LNX2: variants seen among roughly 807,000 people sequenced by gnomAD.
LNX2 encodes the protein ligand of numb-protein X 2.
LNX2 carries 35 observed loss-of-function variants against 66.2 expected under a neutral mutation model. The observed-to-expected ratio is 0.53, with a 90% CI of 0.40 to 0.70. LNX2 has a LOEUF of 0.70. Among genes scored for constraint, LNX2 ranks in the 30% least tolerant of loss-of-function variants. The pLI is 0.00. For synonymous variants in LNX2, 337 were observed against 315.6 expected, an observed-to-expected ratio of 1.07 and a Z score of -0.72; for missense variants, 791 against 850.8, an observed-to-expected ratio of 0.93 and a Z score of 0.87.
chr13:27,595,923 T>C (rs1955591874), intron 1 of LNX2, among the ~76,000 whole-genome samples: 2 of 152,158 alleles, frequency 1.3e-5, no homozygotes, highest in African/African-American at 2.4e-5. Context: ...GGCTGAGTAT[T>C]CAGATACTCA....
At position 27,548,146 on chromosome 13, in the gene LNX2, A is replaced by G; in HGVS notation, c.*189T>C. The G allele has an allele frequency of 1.8e-6, 1 of 558,606 alleles. No individual in the cohort carries two copies. The highest frequency in any genetic ancestry group is 3.1e-6 in the Non-Finnish European group (1 of 317,878). The allele number at this position is 558,606 out of a possible 1,614,324, so 34.6% of individuals were successfully genotyped here. A position where few individuals can be genotyped will look rare whatever the true frequency, so the allele number is the denominator to read the frequency against. The stretch of plus-strand genomic sequence containing the variant: ...AAAGGTTAGTGGAAGACTGTTTCCA[A>G]GCTAAAAGAAATGTAACTAACTTAG... On this transcript the variant is annotated 3_prime_UTR_variant, in exon 10 of 10. Coordinates refer to ENST00000316334, the MANE Select transcript of LNX2 (RefSeq NM_153371.4).
At chr13:27,571,192 G>A (rs1255082515) in intron 2 of LNX2, among the ~76,000 whole-genome samples, 1 of 152,148 alleles carries the variant, frequency 6.6e-6, no homozygotes, top group Admixed American at 6.6e-5. Flanking sequence ...TGAACAACTA[G>A]ACAGAAGGAG....
At chr13:27,593,224 T>C (rs185828052) in intron 1 of LNX2, among the ~76,000 whole-genome samples, 3 of 152,290 alleles carry the variant, frequency 2.0e-5, no homozygotes, top group Admixed American at 2.0e-4. Context: ...TTGGAAGCCT[T>C]TGTCATTTAT....
intron 1 of LNX2, among the ~76,000 whole-genome samples, chr13:27,620,075 G>A (rs538216544): frequency 2.0e-5 from 3 of 152,278 alleles, no homozygotes; most frequent in African/African-American, 7.2e-5. Flanking sequence ...CACGGTGGCC[G>A]GAACCAGCAA....
rs1254198656 is a variant in LNX2 at position 27,583,243 on chromosome 13, T to TGCGCGC, written c.-100-1441_-100-1440insGCGCGC. ...GTGTGTGTGTGTGTGTGTGTGTGTG[T>TGCGCGC]GTGTGTGTGTGTGCGCGCGTCCTCT... On this transcript the variant is annotated intron_variant, in intron 1 of 9. Coordinates refer to ENST00000316334, the MANE Select transcript of LNX2 (RefSeq NM_153371.4). Among the ~76,000 whole-genome samples, 7 of 21,678 alleles carry TGCGCGC rather than the reference T, an allele frequency of 3.2e-4. 2 individuals carry two copies. The highest frequency in any genetic ancestry group is 4.3e-4 in the Non-Finnish European group (5 of 11,512). The allele number at this position is 21,678 out of a possible 152,430, so 14.2% of individuals were successfully genotyped here. A position where few individuals can be genotyped will look rare whatever the true frequency, so the allele number is the denominator to read the frequency against.
At chr13:27,596,601 T>G (rs994220717) in intron 1 of LNX2, among the ~76,000 whole-genome samples, 3 of 152,210 alleles carry the variant, frequency 2.0e-5, no homozygotes, top group African/African-American at 7.2e-5. Flanking sequence ...TTTTTCTTCA[T>G]TCTTCCCTTC....
chr13:27,590,297 C>T (rs1455749354), intron 1 of LNX2, among the ~76,000 whole-genome samples: 1 of 151,910 alleles, frequency 6.6e-6, no homozygotes, highest in Non-Finnish European at 1.5e-5. Context: ...TGCAGTGGTG[C>T]AATCTCGGCT....
intron 7 of LNX2, among the ~76,000 whole-genome samples, chr13:27,553,863 C>T (rs1955031220): frequency 6.6e-6 from 1 of 152,180 alleles, no homozygotes; most frequent in African/African-American, 2.4e-5. Context: ...TATATTTACA[C>T]AGTTCTATAC....
intron 7 of LNX2, among the ~76,000 whole-genome samples, chr13:27,555,739 T>C (rs1020056387): frequency 2.0e-5 from 3 of 152,228 alleles, no homozygotes; most frequent in African/African-American, 7.2e-5. Flanking sequence ...ACTAAGTCAA[T>C]GGAGACTGCT....
intron 6 of LNX2, among the ~76,000 whole-genome samples, chr13:27,556,693 T>C (rs1297409919): frequency 6.6e-6 from 1 of 151,992 alleles, no homozygotes; most frequent in Non-Finnish European, 1.5e-5. Flanking sequence ...ATTTGTATAA[T>C]TTGTTTGAGC....
chr13:27,582,422 TACTG>T (rs1955409228), intron 1 of LNX2, among the ~76,000 whole-genome samples: 1 of 152,204 alleles, frequency 6.6e-6, no homozygotes, highest in South Asian at 2.1e-4. Flanking sequence ...CGATTTGTTT[TACTG>T]ACTGAAATCC....
At chr13:27,568,263 T>C (rs894974128) in intron 3 of LNX2, among the ~76,000 whole-genome samples, 5 of 152,048 alleles carry the variant, frequency 3.3e-5, no homozygotes, top group African/African-American at 1.2e-4. Flanking sequence ...TAAGAAGAGG[T>C]GGGTCTTGAA....
chr13:27,548,195 C>T lies in LNX2; in HGVS notation c.*140G>A, dbSNP rs976002322. On this transcript the variant is annotated 3_prime_UTR_variant, in exon 10 of 10. Coordinates refer to ENST00000316334, the MANE Select transcript of LNX2 (RefSeq NM_153371.4). ...AGGAAACCATTTAAATAAACATAAA[C>T]GGACAATCTTAGTGGGTTTTGGCCC... 2.4e-5 allele frequency: 16 copies of T among 673,754 alleles called. No homozygotes were observed. Among genetic ancestry groups the T allele is most frequent in the Non-Finnish European group, 4.0e-5 (16 of 402,222 alleles). 41.7% of individuals were successfully genotyped at this position (673,754 alleles called of 1,614,324 possible). A position where few individuals can be genotyped will look rare whatever the true frequency, so the allele number is the denominator to read the frequency against.
At position 27,548,407 on chromosome 13, in the gene LNX2, T is replaced by C. The variant is rs1445145911; in HGVS notation, c.2001A>G (p.Leu667=). Residue 667 remains leucine (L), a synonymous_variant, in exon 10 of 10, where the codon CTA becomes CTG. Transcript: ENST00000316334. The part of the protein sequence containing the change: ...LSTVGMSHSA[L]VPMLKEQRNK... ...TCCTCTGCTCCTTCAACATGGGAAC[T>C]AGTGCAGAGTGGCTCATGCCCACGG... The C allele has an allele frequency of 4.3e-6, 7 of 1,613,952 alleles. No homozygotes were observed. In the African/African-American group the frequency reaches 6.7e-5, roughly 15 times the overall value.
chr13:27,611,263 A>G (rs1332681974), intron 1 of LNX2, among the ~76,000 whole-genome samples: 2 of 152,236 alleles, frequency 1.3e-5, no homozygotes, highest in Admixed American at 1.3e-4. Context: ...TATATTATTC[A>G]GCTTTACAAA....
intron 1 of LNX2, among the ~76,000 whole-genome samples, chr13:27,603,239 C>G (rs1955677655): frequency 6.6e-6 from 1 of 152,132 alleles, no homozygotes; most frequent in African/African-American, 2.4e-5. Flanking sequence ...AAAAAGAACA[C>G]TGTCAATGTC....
rs190432479 is a variant in LNX2 at position 27,571,331 on chromosome 13, A to T, written c.408-2055T>A. ...CCAAAAAGTGTTGGTAGACTTGGCA[A>T]TTAGAAGGTAACCTCAGAAAGAACA... On this transcript the variant is annotated intron_variant, in intron 2 of 9. Coordinates refer to ENST00000316334, the MANE Select transcript of LNX2 (RefSeq NM_153371.4). Among the ~76,000 whole-genome samples the T allele has an allele frequency of 3.4e-4, 52 of 152,356 alleles. No homozygotes were observed. In the East Asian group the frequency reaches 8.3e-3, roughly 24 times the overall value.
intron 1 of LNX2, among the ~76,000 whole-genome samples, chr13:27,590,094 C>T (rs543468894): frequency 1.4e-4 from 21 of 152,032 alleles, no homozygotes; most frequent in Non-Finnish European, 2.2e-4. Flanking sequence ...GGATTACAGG[C>T]GCCCACCACC....
At position 27,599,668 on chromosome 13, in the gene LNX2, C is replaced by A. The variant is rs144437363; in HGVS notation, c.-100-17865G>T. Reference sequence around the variant, plus strand: ...TAAAGTAAAACAATAACAAAGGTATCTTGTAGGAATAGAATAGCACCTGTA... The same window carrying A: ...TAAAGTAAAACAATAACAAAGGTATATTGTAGGAATAGAATAGCACCTGTA... On this transcript the variant is annotated intron_variant, in intron 1 of 9. Transcript: ENST00000316334. Among the ~76,000 whole-genome samples the A allele has an allele frequency of 3.5e-3, 528 of 152,226 alleles. 1 individual carries two copies. Among genetic ancestry groups the A allele is most frequent in the African/African-American group, 0.012 (505 of 41,534 alleles).
Sources: gnomAD v4.1 joint callset for allele counts (sites outside exome capture counted in the v4.1 genomes callset) on GRCh38, gnomAD v4.1.1 for gene constraint, MANE v1.5 for transcripts, NCBI Gene and HGNC (gene_info 2026-07-23, HGNC 2026-07-21) for gene names.